The following COPS4 variants were observed in gnomAD, a reference collection of about 807,000 sequenced individuals.
COPS4 encodes the protein COP9 signalosome subunit 4, also known as COP9 signalosome complex subunit 4.
Under a neutral mutation model 55.1 loss-of-function variants are expected in COPS4, and 8 were observed. The observed-to-expected ratio is 0.15, with a 90% CI of 0.09 to 0.26. The LOEUF is 0.26. COPS4 is among the 10% of genes least tolerant of loss of function. The pLI is 1.00. For synonymous variants in COPS4, 185 were observed against 165.7 expected, an observed-to-expected ratio of 1.12 and a Z score of -0.90; for missense variants, 248 against 484.0, an observed-to-expected ratio of 0.51 and a Z score of 4.58.
chr4:83,073,912 G>A (rs1033240193), intron 9 of COPS4, among the ~76,000 whole-genome samples: 7 of 151,086 alleles, frequency 4.6e-5, no homozygotes, highest in African/African-American at 1.7e-4. Context: ...AGCTGATATC[G>A]CGCCACTGCA....
rs377401913 is a variant in COPS4 at position 83,057,417 on chromosome 4, G to A, written c.715+9G>A. The A allele has an allele frequency of 4.8e-5, 75 of 1,546,842 alleles. No homozygotes were observed. The highest frequency in any genetic ancestry group is 7.5e-5 in the South Asian group (6 of 80,098). On this transcript the variant is annotated intron_variant, in intron 6 of 9. Coordinates refer to ENST00000264389, the MANE Select transcript of COPS4 (RefSeq NM_016129.3). ...GATCTTAGCATCAGCAGGTAAACAC[G>A]TAATAATTTATACTTAAATGAACAG... is the stretch of plus-strand genomic sequence containing the variant.
At chr4:83,039,427 A>G (rs915971537) in intron 1 of COPS4, among the ~76,000 whole-genome samples, 9 of 152,210 alleles carry the variant, frequency 5.9e-5, no homozygotes, top group African/African-American at 2.2e-4. Context: ...TTAACCCCAG[A>G]TTCAAGGGGT....
At chr4:83,071,705 T>TA (rs1731435188) in intron 9 of COPS4, among the ~76,000 whole-genome samples, 1 of 151,706 alleles carries the variant, frequency 6.6e-6, no homozygotes, top group South Asian at 2.1e-4. Flanking sequence ...AGGTATGAGC[T>TA]ATTGTGCCTG....
intron 7 of COPS4, among the ~76,000 whole-genome samples, chr4:83,064,229 C>T (rs907035066): frequency 6.6e-6 from 1 of 151,970 alleles, no homozygotes; most frequent in African/African-American, 2.4e-5. Context: ...TCTAGCTACT[C>T]GGGAGGCTGA....
In COPS4 at chr4:83,049,159, A is replaced by G. The variant is rs771218416; in HGVS notation, c.155-7A>G. 1 of 1,551,406 alleles carries G rather than the reference A, an allele frequency of 6.4e-7. No individual in the cohort carries two copies. On this transcript the variant is annotated splice_region_variant and splice_polypyrimidine_tract_variant and intron_variant, in intron 2 of 9. Coordinates refer to ENST00000264389, the MANE Select transcript of COPS4 (RefSeq NM_016129.3). ...GTTTTCTTATCTTTTTTTTTTTTTT[A>G]AACAAGTGGTAAATGAGAATGTCAG...
chr4:83,056,818 C>T (rs767498483), intron 4 of COPS4, 108 bp from the exon 5 acceptor site: 7 of 951,830 alleles, frequency 7.4e-6, no homozygotes, highest in Non-Finnish European at 1.1e-5. Context: ...GTTTGATTCC[C>T]TTACGGTACC....
chr4:83,060,722 A>G (rs1028445763), intron 6 of COPS4, among the ~76,000 whole-genome samples: 2 of 151,810 alleles, frequency 1.3e-5, no homozygotes, highest in African/African-American at 4.8e-5. Context: ...TTAACATAAT[A>G]AGTTAGCAGC....
chr4:83,065,636 G>A (rs1731275691), intron 7 of COPS4, among the ~76,000 whole-genome samples: 1 of 152,202 alleles, frequency 6.6e-6, no homozygotes, highest in Non-Finnish European at 1.5e-5. Flanking sequence ...CCTGGGTCCA[G>A]AACATTATGA....
At chr4:83,043,016 G>A (rs1206678066) in intron 1 of COPS4, among the ~76,000 whole-genome samples, 1 of 151,430 alleles carries the variant, frequency 6.6e-6, no homozygotes, top group African/African-American at 2.4e-5. Flanking sequence ...TCCCAAAGTG[G>A]TAGGATTACA....
intron 1 of COPS4, among the ~76,000 whole-genome samples, chr4:83,037,156 C>G (rs533498616): frequency 6.6e-6 from 1 of 152,238 alleles, no homozygotes; most frequent in Non-Finnish European, 1.5e-5. Context: ...ATCTCTCTCT[C>G]TCTCTGCACA....
At chr4:83,063,908 C>T (rs1011432087) in intron 7 of COPS4, among the ~76,000 whole-genome samples, 1 of 152,098 alleles carries the variant, frequency 6.6e-6, no homozygotes, top group African/African-American at 2.4e-5. Context: ...GGATGTTGCT[C>T]AGGCTGATCT....
At chr4:83,048,869 A>G (rs1730787095) in intron 2 of COPS4, among the ~76,000 whole-genome samples, 2 of 151,588 alleles carry the variant, frequency 1.3e-5, no homozygotes, top group African/African-American at 4.8e-5. Flanking sequence ...CTGGTCTCGA[A>G]CTCCTGACGT....
intron 1 of COPS4, among the ~76,000 whole-genome samples, chr4:83,040,619 A>G (rs1730537770): frequency 6.6e-6 from 1 of 152,146 alleles, no homozygotes; most frequent in Non-Finnish European, 1.5e-5. Context: ...GTGCCACTCT[A>G]CCTCTCAGCC....
chr4:83,069,647 A>G (rs137975707), intron 9 of COPS4, among the ~76,000 whole-genome samples: 115 of 152,314 alleles, frequency 7.6e-4, no homozygotes, highest in African/African-American at 2.6e-3. Flanking sequence ...TTCCTATTTC[A>G]AAGGGGAAAA....
intron 6 of COPS4, among the ~76,000 whole-genome samples, chr4:83,059,821 CGAGT>C (rs147625447): frequency 1 from 151,220 of 151,830 alleles, 75,306 homozygotes; most frequent in Middle Eastern, 1. Flanking sequence ...CTCAGCCTCC[CGAGT>C]GAGTAGCTGG....
At chr4:83,066,601 C>A in intron 8 of COPS4, 48 bp downstream of exon 8, 2 of 815,636 alleles carry the variant, frequency 2.5e-6, no homozygotes, top group South Asian at 1.7e-5. Context: ...AGAGATGAAA[C>A]TATTAAAATA....
chr4:83,036,469 C>T (rs1730422108), intron 1 of COPS4, among the ~76,000 whole-genome samples: 1 of 152,148 alleles, frequency 6.6e-6, no homozygotes, highest in Non-Finnish European at 1.5e-5. Flanking sequence ...CTACTTTTAT[C>T]AGTGGGAAAT....
intron 3 of COPS4, chr4:83,049,584 C>T (rs1730806057): frequency 2.1e-6 from 1 of 469,094 alleles, no homozygotes; most frequent in Admixed American, 4.0e-5. Flanking sequence ...GGTATTTCAG[C>T]TGAAAACACA....
chr4:83,037,044 C>G (rs1730441725), intron 1 of COPS4, among the ~76,000 whole-genome samples: 1 of 152,188 alleles, frequency 6.6e-6, no homozygotes, highest in Non-Finnish European at 1.5e-5. Flanking sequence ...TATGGGTTGA[C>G]TGGACTGCTT....
Sources: allele counts gnomAD v4.1 joint callset (sites outside exome capture counted in the v4.1 genomes callset), GRCh38; gene constraint gnomAD v4.1.1; transcripts MANE v1.5; gene names NCBI Gene and HGNC (gene_info 2026-07-23, HGNC 2026-07-21).